The following CHCHD3 variants were observed in gnomAD, a reference collection of about 807,000 sequenced individuals.
CHCHD3 encodes the protein coiled-coil-helix-coiled-coil-helix domain containing 3, also known as MICOS complex subunit MIC19.
In CHCHD3, 20 loss-of-function variants were observed where a neutral mutation model predicts 38.2. That is an observed-to-expected ratio of 0.52 (90% CI 0.37 to 0.76). The LOEUF (loss-of-function observed/expected upper bound fraction) is 0.76, where lower values mean the gene tolerates loss of function less well. CHCHD3 is among the 30% of genes least tolerant of loss of function. The pLI is 0.00. For synonymous variants in CHCHD3, 82 were observed against 100.0 expected (o/e 0.82, Z 1.07); for missense variants, 245 against 279.2 (o/e 0.88, Z 0.87).
At chr7:133,078,779 T>C (rs1486279506) in intron 1 of CHCHD3, among the ~76,000 whole-genome samples, 1 of 152,220 alleles carries the variant, frequency 6.6e-6, no homozygotes, top group Non-Finnish European at 1.5e-5. Flanking sequence ...ACTGCCTCTG[T>C]TGAATTAGTA....
intron 5 of CHCHD3, among the ~76,000 whole-genome samples, chr7:132,855,576 T>C (rs796788474): frequency 1.3e-5 from 2 of 152,256 alleles, no homozygotes; most frequent in African/African-American, 4.8e-5. Context: ...TTTGAAAGAC[T>C]TGGCAGAGAA....
chr7:132,993,336 G>C (rs556360538), intron 3 of CHCHD3, among the ~76,000 whole-genome samples: 1 of 152,080 alleles, frequency 6.6e-6, no homozygotes, highest in South Asian at 2.1e-4. Context: ...AATATAACAT[G>C]CATGAAGTTA....
At chr7:133,052,650 T>A (rs1256820692) in intron 2 of CHCHD3, among the ~76,000 whole-genome samples, 1 of 152,168 alleles carries the variant, frequency 6.6e-6, no homozygotes, top group Non-Finnish European at 1.5e-5. Flanking sequence ...CAAACACACA[T>A]ACACAGACAC....
chr7:132,787,857 G>A (rs1278698044), intron 7 of CHCHD3, among the ~76,000 whole-genome samples: 2 of 152,138 alleles, frequency 1.3e-5, no homozygotes, highest in East Asian at 1.9e-4. Flanking sequence ...GAAAAACAAT[G>A]ATTCTGTCAT....
At chr7:132,913,343 G>C (rs1222525928) in intron 4 of CHCHD3, among the ~76,000 whole-genome samples, 1 of 152,156 alleles carries the variant, frequency 6.6e-6, no homozygotes, top group Non-Finnish European at 1.5e-5. Flanking sequence ...ATTAAGGGAG[G>C]CATGGAACTT....
chr7:132,911,003 G>A, intron 4 of CHCHD3, among the ~76,000 whole-genome samples: 1 of 152,192 alleles, frequency 6.6e-6, no homozygotes, highest in Non-Finnish European at 1.5e-5. Flanking sequence ...GAGTAATTAA[G>A]GGCATAAAAG....
chr7:132,817,028 G>A (rs923096249), intron 6 of CHCHD3, among the ~76,000 whole-genome samples: 2 of 152,118 alleles, frequency 1.3e-5, no homozygotes, highest in African/African-American at 4.8e-5. Flanking sequence ...GAGACACAAA[G>A]GGCATCCCTG....
Position 132,956,237 on chromosome 7 carries a change from A to C in CHCHD3, c.369+18932T>G, listed in dbSNP as rs537453804. On this transcript the variant is annotated intron_variant, in intron 4 of 7. Transcript: ENST00000262570. ...ACTTGACAGTCCCAACAATCACATA[A>C]GCCAATTTCTTAAAATCTATCAAGC... Among the ~76,000 whole-genome samples, 6 of 152,344 alleles carry C rather than the reference A, an allele frequency of 3.9e-5. 1 individual carries two copies. In the South Asian group the frequency reaches 1.2e-3, roughly 32 times the overall value.
chr7:132,886,066 C>T (rs2117176267), intron 4 of CHCHD3, among the ~76,000 whole-genome samples: 1 of 152,172 alleles, frequency 6.6e-6, no homozygotes, highest in South Asian at 2.1e-4. Context: ...ATATTTTGTA[C>T]AATGAAACTT....
At chr7:132,959,722 CAAAAAAA>C (rs376282108) in intron 4 of CHCHD3, among the ~76,000 whole-genome samples, 37 of 44,146 alleles carry the variant, frequency 8.4e-4, no homozygotes, top group African/African-American at 1.1e-3. Context: ...AACTCCGTCT[CAAAAAAA>C]AAAAAAAAAA....
At chr7:132,839,524 AAAC>A (rs755677708) in intron 5 of CHCHD3, among the ~76,000 whole-genome samples, 3 of 152,238 alleles carry the variant, frequency 2.0e-5, no homozygotes, top group African/African-American at 2.4e-5. Context: ...CTGCATTAAA[AAAC>A]AACAACAACA....
At chr7:132,846,243 G>A (rs1412325159) in intron 5 of CHCHD3, among the ~76,000 whole-genome samples, 2 of 152,146 alleles carry the variant, frequency 1.3e-5, no homozygotes, top group Non-Finnish European at 2.9e-5. Flanking sequence ...TTCAAACCTG[G>A]GCCTCTCTCT....
chr7:133,041,291 C>T (rs10265672), intron 2 of CHCHD3, among the ~76,000 whole-genome samples: 58,759 of 151,848 alleles, frequency 0.39, 11,554 homozygotes, highest in East Asian at 0.55. Context: ...CCTACTTTAC[C>T]CAAATCCCTA....
intron 3 of CHCHD3, among the ~76,000 whole-genome samples, chr7:132,975,699 G>C (rs1421753294): frequency 6.6e-6 from 1 of 152,136 alleles, no homozygotes; most frequent in Non-Finnish European, 1.5e-5. Flanking sequence ...GGGAGACCAA[G>C]GCAAGTGGAC....
chr7:132,873,706 T>C (rs1212959419), intron 5 of CHCHD3, among the ~76,000 whole-genome samples: 2 of 152,110 alleles, frequency 1.3e-5, no homozygotes, highest in African/African-American at 2.4e-5. Context: ...TTTGGGATAA[T>C]ATATGAAGTT....
intron 3 of CHCHD3, among the ~76,000 whole-genome samples, chr7:133,021,072 C>T (rs1449489425): frequency 6.6e-6 from 1 of 152,138 alleles, no homozygotes; most frequent in East Asian, 1.9e-4. Context: ...CAAATTTTAA[C>T]AACCAAAAAT....
intron 4 of CHCHD3, among the ~76,000 whole-genome samples, chr7:132,966,960 C>T (rs1385982273): frequency 6.6e-6 from 1 of 152,136 alleles, no homozygotes; most frequent in Non-Finnish European, 1.5e-5. Flanking sequence ...ACAATGAATG[C>T]CACGTCATCA....
intron 6 of CHCHD3, among the ~76,000 whole-genome samples, chr7:132,809,375 A>G (rs1210191555): frequency 2.0e-5 from 3 of 152,198 alleles, no homozygotes; most frequent in Non-Finnish European, 4.4e-5. Flanking sequence ...CACTTCAAGC[A>G]TACACTACTA....
rs576166556 is a variant in CHCHD3 at position 133,002,496 on chromosome 7, T to A, written c.251+22050A>T. 2.0e-5 allele frequency among the ~76,000 whole-genome samples: 3 copies of A among 152,056 alleles called. No homozygotes were observed. In the East Asian group the frequency reaches 5.8e-4, roughly 29 times the overall value. On this transcript the variant is annotated intron_variant, in intron 3 of 7. Transcript: ENST00000262570. ...TGCTAATGGTAGAAATCCATGATAA[T>A]TAGGCTTTCATAGTACAAAAATAAT...
Sources: gnomAD v4.1 joint callset for allele counts (sites outside exome capture counted in the v4.1 genomes callset) on GRCh38, gnomAD v4.1.1 for gene constraint, MANE v1.5 for transcripts, NCBI Gene and HGNC (gene_info 2026-07-23, HGNC 2026-07-21) for gene names.